Variants in MARF1 observed in about 807,000 individuals in gnomAD.
MARF1 encodes meiosis regulator and mRNA stability factor 1, also known as limkain-b1.
In MARF1, 24 loss-of-function variants were observed where a neutral mutation model predicts 168.2. The observed-to-expected ratio is 0.14, with a 90% CI of 0.10 to 0.20. The LOEUF is 0.20. Among genes scored for constraint, MARF1 ranks in the 10% least tolerant of loss-of-function variants. The probability of loss-of-function intolerance (pLI) is 1.00; values close to 1 mark genes in which losing one functional copy is unlikely to be tolerated. For synonymous variants in MARF1, 868 were observed against 822.4 expected (o/e 1.06, Z -0.95); for missense variants, 1,744 against 2,143.6 (o/e 0.81, Z 3.68).
intron 7 of MARF1, among the ~76,000 whole-genome samples, chr16:15,627,528 G>C (rs766468494): frequency 2.0e-5 from 3 of 152,162 alleles, no homozygotes; most frequent in Non-Finnish European, 2.9e-5. Context: ...TGAGGAAGGA[G>C]AATCAATTGA....
chr16:15,628,546 C>A (rs938293198), intron 7 of MARF1, among the ~76,000 whole-genome samples: 2 of 151,964 alleles, frequency 1.3e-5, no homozygotes, highest in Non-Finnish European at 2.9e-5. Flanking sequence ...GCAGCTAGGA[C>A]TACCAGTGCC....
chr16:15,602,751 A>G, intron 22 of MARF1: 1 of 421,198 alleles, frequency 2.4e-6, no homozygotes. Flanking sequence ...GTCTGAAGAG[A>G]CAGTGTGTGA....
Position 15,625,074 on chromosome 16 carries a change from C to A in MARF1, c.2053G>T (p.Ala685Ser). 6.2e-7 allele frequency: 1 copy of A among 1,614,182 alleles called. No individual in the cohort carries two copies. Among genetic ancestry groups the A allele is most frequent in the Non-Finnish European group, 8.5e-7 (1 of 1,180,036 alleles). ...CCCGAGTTTTTCGGCGTCGACACTG[C>A]AGCACTTGAGTTACCGTGAGTGGGT... ...VVPTHGNSSA[A>S]VSTPKNSGVA... is the part of the protein sequence containing the mutation. The change falls in exon 9 of 27, where the codon GCA becomes TCA. Residue 685 changes from alanine to serine, a missense_variant. Ala to Ser is a moderately conservative substitution (Grantham distance 99). Transcript: ENST00000396368.
At chr16:15,632,034 G>GA (rs2035290755) in intron 5 of MARF1, among the ~76,000 whole-genome samples, 2 of 151,962 alleles carry the variant, frequency 1.3e-5, no homozygotes, top group Non-Finnish European at 2.9e-5. Context: ...TAATTCTTGA[G>GA]AAAAAAATTC....
Position 15,611,043 on chromosome 16 carries a change from T to C in MARF1, c.3683A>G (p.Glu1228Gly), listed in dbSNP as rs1039756446. 8 of 1,613,744 alleles carry C rather than the reference T, an allele frequency of 5.0e-6. No individual in the cohort carries two copies. The highest frequency in any genetic ancestry group is 6.8e-6 in the Non-Finnish European group (8 of 1,179,624). ...GVCELIDIVS[E>G]IPDTTICLSQ... ...CAAGCAGATGGTTGTGTCTGGAATC[T>C]CTGATACGATGTCAATCAACTCACA... The change falls in exon 19 of 27, where the codon GAG becomes GGG. Residue 1228 changes from glutamate (E) to glycine (G), a missense_variant. This residue lies in a region of MARF1 where 543 missense variants were observed against 742.1 expected (regional missense o/e 0.73). Transcript: ENST00000396368.
chr16:15,634,627 G>C, intron 4 of MARF1, 130 bp downstream of exon 4: 1 of 793,180 alleles, frequency 1.3e-6, no homozygotes, highest in Non-Finnish European at 1.9e-6. Flanking sequence ...CCAAGATATG[G>C]AATTGGAGAC....
intron 7 of MARF1, among the ~76,000 whole-genome samples, chr16:15,626,389 C>T (rs1017519851): frequency 6.6e-6 from 1 of 152,074 alleles, no homozygotes; most frequent in African/African-American, 2.4e-5. Context: ...CATATCTCAA[C>T]GAAGTTGTTT....
intron 13 of MARF1, among the ~76,000 whole-genome samples, chr16:15,619,674 C>T (rs981790774): frequency 6.6e-6 from 1 of 152,186 alleles, no homozygotes; most frequent in African/African-American, 2.4e-5. Flanking sequence ...TCTCTTCCCG[C>T]TAGACATAAG....
chr16:15,634,358 A>C (rs999229340), intron 4 of MARF1, among the ~76,000 whole-genome samples: 2 of 152,242 alleles, frequency 1.3e-5, no homozygotes, highest in Non-Finnish European at 2.9e-5. Flanking sequence ...ACTACTTTTT[A>C]GGGAAATTAT....
At chr16:15,638,685 A>C in intron 2 of MARF1, among the ~76,000 whole-genome samples, 1 of 152,352 alleles carries the variant, frequency 6.6e-6, no homozygotes, top group East Asian at 1.9e-4. Flanking sequence ...ATCTCGAAAT[A>C]AAAAACAGGC....
At chr16:15,607,163 C>G (rs2033090362) in intron 21 of MARF1, among the ~76,000 whole-genome samples, 1 of 152,196 alleles carries the variant, frequency 6.6e-6, no homozygotes, top group Non-Finnish European at 1.5e-5. Context: ...CTCTCACCTC[C>G]TCCTCCAACC....
Position 15,635,091 on chromosome 16 carries a change from G to A in MARF1, c.832-160C>T, listed in dbSNP as rs568485881. 7 of 584,682 alleles carry A rather than the reference G, an allele frequency of 1.2e-5. No homozygotes were observed. The East Asian group carries it at 2.0e-4, about 17-fold the overall frequency. 36.2% of individuals were successfully genotyped at this position (584,682 alleles called of 1,614,324 possible). ...CAAATAATCTTTCCAAGAACCATTAGCTATCAGTTCATAAATTCATTTCCA... is the reference window on the plus strand; with the variant it reads ...CAAATAATCTTTCCAAGAACCATTAACTATCAGTTCATAAATTCATTTCCA... On this transcript the variant is annotated intron_variant, in intron 3 of 26. Coordinates refer to ENST00000396368, the MANE Select transcript of MARF1 (RefSeq NM_014647.4).
intron 22 of MARF1, chr16:15,602,598 CAA>C (rs780649188): frequency 7.8e-5 from 13 of 166,014 alleles, no homozygotes; most frequent in South Asian, 3.6e-4. Flanking sequence ...ACAAAAAAGA[CAA>C]AGAAGAAGAA....
At chr16:15,628,605 C>T (rs145422804) in intron 7 of MARF1, among the ~76,000 whole-genome samples, 14 of 152,196 alleles carry the variant, frequency 9.2e-5, no homozygotes, top group African/African-American at 2.6e-4. Flanking sequence ...GATGGGGTTT[C>T]GCCACATCGG....
intron 1 of MARF1, among the ~76,000 whole-genome samples, chr16:15,641,022 G>T (rs1487658001): frequency 6.6e-6 from 1 of 152,198 alleles, no homozygotes; most frequent in African/African-American, 2.4e-5. Context: ...TTGAGCCCAA[G>T]AATTTGAGGC....
At chr16:15,597,896 C>T (rs965282664) in intron 26 of MARF1, among the ~76,000 whole-genome samples, 4 of 151,748 alleles carry the variant, frequency 2.6e-5, no homozygotes, top group African/African-American at 9.7e-5. Flanking sequence ...TGGTTCTATC[C>T]GCAGGCAGTT....
At chr16:15,613,782 T>C (rs1258908329) in intron 16 of MARF1, among the ~76,000 whole-genome samples, 2 of 152,062 alleles carry the variant, frequency 1.3e-5, no homozygotes, top group Non-Finnish European at 2.9e-5. Context: ...CTGAGAAGTC[T>C]AAGACAGAGG....
chr16:15,609,511 T>C lies in MARF1; in HGVS notation c.3954+12A>G. ...GAAAAATACTTTATAAAATTAGAAT[T>C]TCTTCACTCACTTGTAAAGTATCAG... is the stretch of plus-strand genomic sequence containing the variant. On this transcript the variant is annotated intron_variant, in intron 20 of 26. Coordinates refer to ENST00000396368, the MANE Select transcript of MARF1 (RefSeq NM_014647.4). 1 of 1,597,516 alleles carries C rather than the reference T, an allele frequency of 6.3e-7. No individual in the cohort carries two copies. The highest frequency in any genetic ancestry group is 2.2e-5 in the East Asian group (1 of 44,768).
chr16:15,636,259 T>C lies in MARF1; in HGVS notation c.228A>G (p.Pro76=). The part of the protein sequence containing the change: ...SPLHAGSKLF[P]AVPLPDIRSL... ...AACGAATATCAGGAAGTGGGACTGC[T>C]GGAAAAAGCTTAGAGCCAGCATGAA... Residue 76 remains proline, a synonymous_variant, in exon 3 of 27, where the codon CCA becomes CCG. Coordinates refer to ENST00000396368, the MANE Select transcript of MARF1 (RefSeq NM_014647.4). The C allele has an allele frequency of 6.2e-7, 1 of 1,613,834 alleles. No homozygotes were observed. Among genetic ancestry groups the C allele is most frequent in the Non-Finnish European group, 8.5e-7 (1 of 1,179,848 alleles).
Sources: gnomAD v4.1 joint callset for allele counts (sites outside exome capture counted in the v4.1 genomes callset) on GRCh38, gnomAD v4.1.1 for gene constraint, gnomAD v4.1.1 regional missense constraint, MANE v1.5 for transcripts, NCBI Gene and HGNC (gene_info 2026-07-23, HGNC 2026-07-21) for gene names.